The following PKD1 variants were observed in gnomAD, a reference collection of about 807,000 sequenced individuals.
The protein encoded by PKD1 is polycystin-1.
Under a neutral mutation model 361.7 loss-of-function variants are expected in PKD1, and 81 were observed. The ratio of observed to expected loss-of-function variants is 0.22; its 90% CI spans 0.19 to 0.27. The LOEUF (loss-of-function observed/expected upper bound fraction) is 0.27, where lower values mean the gene tolerates loss of function less well. Among genes scored for constraint, PKD1 ranks in the 10% least tolerant of loss-of-function variants. The pLI, the probability that PKD1 is intolerant of heterozygous loss-of-function variation, is 1.00. For missense variants in PKD1, 6,399 were observed against 6,118.3 expected (o/e 1.05, Z -1.53); for synonymous variants, 3,615 against 2,818.3 (o/e 1.28, Z -8.95).
chr16:2,094,068 C>A (rs990732561), intron 35 of PKD1, 24 bp downstream of exon 35: 33 of 1,585,866 alleles, frequency 2.1e-5, no homozygotes, highest in African/African-American at 2.7e-5. Context: ...GGGCTAGGGG[C>A]ATCCCGGGGC....
chr16:2,094,060 G>C, intron 35 of PKD1, 32 bp downstream of exon 35: 1 of 1,584,880 alleles, frequency 6.3e-7, no homozygotes, highest in Non-Finnish European at 8.6e-7. Flanking sequence ...ACAGGGAGGG[G>C]CTAGGGGCAT....
At chr16:2,130,822 G>C (rs530896599) in intron 1 of PKD1, among the ~76,000 whole-genome samples, 1 of 152,208 alleles carries the variant, frequency 6.6e-6, no homozygotes, top group Non-Finnish European at 1.5e-5. Flanking sequence ...CAAGGCCCCG[G>C]GTGCTCCTAT....
intron 42 of PKD1, 32 bp from the exon 43 acceptor site, chr16:2,091,206 G>A (rs1202741651): frequency 3.2e-5 from 39 of 1,211,370 alleles, no homozygotes; most frequent in Non-Finnish European, 3.7e-5. Flanking sequence ...GGGCGGGAGG[G>A]ACGCTGCCGG....
At chr16:2,092,229 C>A (rs2091625671) in intron 39 of PKD1, 41 bp from the exon 40 acceptor site, 1 of 1,547,012 alleles carries the variant, frequency 6.5e-7, no homozygotes, top group South Asian at 1.2e-5. Context: ...AGGGCCTCAT[C>A]AAAACCCAAC....
Position 2,093,047 on chromosome 16 carries a change from C to A in PKD1, c.11063G>T (p.Ser3688Ile). 4 of 1,612,902 alleles carry A rather than the reference C, an allele frequency of 2.5e-6. No homozygotes were observed. Among genetic ancestry groups the A allele is most frequent in the South Asian group, 1.1e-5 (1 of 91,088 alleles). Residue 3688 changes from serine to isoleucine, a missense_variant, in exon 38 of 46, where the codon AGC becomes ATC. By Grantham distance (142) the Ser-to-Ile change is moderately radical. Transcript: ENST00000262304. The part of the protein sequence containing the change: ...MLFLLVTLLA[S>I]YGDASCHGHA... ...CCCATGGCATGAGGCATCCCCATAG[C>A]TGGCCAGCAGGGTCACCAGCAGAAA... is the stretch of plus-strand genomic sequence containing the variant.
In PKD1 at chr16:2,097,884, G is replaced by A. The variant is rs1383556063; in HGVS notation, c.10151C>T (p.Ser3384Leu). The A allele has an allele frequency of 2.5e-6, 4 of 1,604,346 alleles. No individual in the cohort carries two copies. Among genetic ancestry groups the A allele is most frequent in the Non-Finnish European group, 3.4e-6 (4 of 1,173,896 alleles). ...SVLDSSFLTF[S>L]GLHAEQAFVG... Reference sequence around the variant, plus strand: ...AGTCCTCACCTCAGCGTGGAGGCCTGAGAACGTGAGGAAGGAGCTGTCCAG... The same window carrying A: ...AGTCCTCACCTCAGCGTGGAGGCCTAAGAACGTGAGGAAGGAGCTGTCCAG... The change falls in exon 31 of 46, where the codon TCA becomes TTA. Residue 3384 changes from serine (S) to leucine (L), a missense_variant. Ser to Leu is a moderately radical substitution (Grantham distance 145). Transcript: ENST00000262304.
At chr16:2,115,854 T>C in intron 9 of PKD1, 138 bp downstream of exon 9, 1 of 1,075,484 alleles carries the variant, frequency 9.3e-7, no homozygotes, top group Non-Finnish European at 1.4e-6. Flanking sequence ...TGAGCTGGTG[T>C]CTCTGGAACC....
intron 1 of PKD1, among the ~76,000 whole-genome samples, chr16:2,128,463 C>T (rs2092825820): frequency 6.6e-6 from 1 of 151,914 alleles, no homozygotes; most frequent in South Asian, 2.1e-4. Flanking sequence ...CTCTGTCTGT[C>T]TATAAACCAG....
chr16:2,098,135 G>A (rs1305852181), intron 30 of PKD1, 151 bp from the exon 31 acceptor site: 15 of 619,014 alleles, frequency 2.4e-5, no homozygotes, highest in South Asian at 7.5e-5. Context: ...TGCACCGTCC[G>A]TGATGGCAGC....
rs1411919582 is a variant in PKD1, at chr16:2,111,631, T to C, written c.3536A>G (p.His1179Arg). The C allele has an allele frequency of 6.3e-7, 1 of 1,574,928 alleles. No homozygotes were observed. Among genetic ancestry groups the C allele is most frequent in the East Asian group, 2.3e-5 (1 of 42,928 alleles). ...GTAGGTGCCCCTCGAGGCATAGGTG[T>C]GGTTGGCAGCCGGCTGGCTCTGGGT... ...VLTQSQPAAN[H>R]TYASRGTYHV... The change falls in exon 15 of 46, where the codon CAC becomes CGC. Residue 1179 changes from histidine (H) to arginine (R), a missense_variant. By Grantham distance (29) the His-to-Arg change is conservative. Coordinates refer to ENST00000262304, the MANE Select transcript of PKD1 (RefSeq NM_001009944.3).
At position 2,118,516 on chromosome 16, in the gene PKD1, C is replaced by T. The variant is rs556854889; in HGVS notation, c.530-54G>A. On this transcript the variant is annotated intron_variant, in intron 4 of 45. Transcript: ENST00000262304. The surrounding 1 kb of genome is among the most constrained non-coding windows in gnomAD (Gnocchi z 6.0). ...TTCTGCTCCTCCTGGCTCCACCCCA[C>T]GCCCCCACATCCGCCCGCCGCACTC... 3.0e-5 allele frequency: 43 copies of T among 1,427,478 alleles called. No homozygotes were observed. The highest frequency in any genetic ancestry group is 5.6e-5 in the African/African-American group (4 of 70,966). 88.4% of individuals were successfully genotyped at this position (1,427,478 alleles called of 1,614,324 possible).
chr16:2,090,425 C>T lies in PKD1; in HGVS notation c.12304G>A (p.Gly4102Arg). Residue 4102 changes from glycine (G) to arginine (R), a missense_variant, in exon 45 of 46, where the codon GGG becomes AGG. By Grantham distance (125) the Gly-to-Arg change is moderately radical (BLOSUM62 -2). Coordinates refer to ENST00000262304, the MANE Select transcript of PKD1 (RefSeq NM_001009944.3). ...TAGCGCCAGCGGAGAATAACAGCCC[C>T]CAGCCGTAGGGCGCCCCACAGCCGC... ...ALRLWGALRLGAVILRWRYHA... is the reference protein window; with the variant it reads ...ALRLWGALRLRAVILRWRYHA... The T allele has an allele frequency of 1.2e-6, 2 of 1,612,618 alleles. No individual in the cohort carries two copies. Among genetic ancestry groups the T allele is most frequent in the Non-Finnish European group, 1.7e-6 (2 of 1,179,900 alleles).
rs746392681 is a variant in PKD1, at chr16:2,090,745, G to C, written c.12067C>G (p.Leu4023Val). The change falls in exon 44 of 46, where the codon CTG becomes GTG. Residue 4023 changes from leucine to valine, a missense_variant. Leu to Val is a conservative substitution (Grantham distance 32, BLOSUM62 1). Transcript: ENST00000262304. ...AAGGTGACCCCCAGGAGCTCTGGCA[G>C]AGCTCGGCATAATGTCTTGCCAAAG... is the stretch of plus-strand genomic sequence containing the variant. ...SVFGKTLCRA[L>V]PELLGVTLGL... The C allele has an allele frequency of 1.2e-6, 2 of 1,612,642 alleles. No individual in the cohort carries two copies. The highest frequency in any genetic ancestry group is 1.7e-6 in the Non-Finnish European group (2 of 1,179,974).
intron 1 of PKD1, chr16:2,119,968 C>T (rs1238746988): frequency 1.5e-5 from 9 of 602,636 alleles, no homozygotes; most frequent in Admixed American, 2.9e-5. Flanking sequence ...AACACAGCAC[C>T]GTGGGAGCTG....
At chr16:2,105,091 C>T (rs180789708) in intron 21 of PKD1, among the ~76,000 whole-genome samples, 3,879 of 144,542 alleles carry the variant, frequency 0.027, 212 homozygotes, top group African/African-American at 0.094. Flanking sequence ...AGTCCCTCCC[C>T]ACATCTGGGC....
At chr16:2,091,718 G>C (rs1452418815) in intron 41 of PKD1, 63 bp downstream of exon 41, 1 of 1,593,102 alleles carries the variant, frequency 6.3e-7, no homozygotes, top group East Asian at 2.3e-5. Flanking sequence ...CCGGAGGAGT[G>C]AGGGTGGGCT....
At position 2,111,992 on chromosome 16, in the gene PKD1, G is replaced by A. The variant is rs1323460354; in HGVS notation, c.3296-121C>T. On this transcript the variant is annotated intron_variant, in intron 14 of 45. Coordinates refer to ENST00000262304, the MANE Select transcript of PKD1 (RefSeq NM_001009944.3). ...GGCTGCACCTGCGGCCCAGCCTTAA[G>A]GGTCCCAGGCTCCCAAGCCACGTGC... The A allele has an allele frequency of 2.7e-6, 3 of 1,094,518 alleles. No homozygotes were observed. In the African/African-American group the frequency reaches 4.7e-5, roughly 17 times the overall value. 67.8% of individuals were successfully genotyped at this position (1,094,518 alleles called of 1,614,324 possible). A position where few individuals can be genotyped will look rare whatever the true frequency, so the allele number is the denominator to read the frequency against.
chr16:2,100,649 C>G lies in PKD1; in HGVS notation c.9398-83G>C. On this transcript the variant is annotated intron_variant, in intron 26 of 45. Transcript: ENST00000262304. The surrounding 1 kb of genome is among the most constrained non-coding windows in gnomAD (Gnocchi z 4.4). ...CCCAGGCAAGTCATCTCAGCTTTGGCCTGTGCGCACTCAAGGAGCCACACA... is the reference window on the plus strand; with the variant it reads ...CCCAGGCAAGTCATCTCAGCTTTGGGCTGTGCGCACTCAAGGAGCCACACA... The G allele has an allele frequency of 1.6e-6, 2 of 1,240,546 alleles. No individual in the cohort carries two copies. The highest frequency in any genetic ancestry group is 2.3e-6 in the Non-Finnish European group (2 of 862,238). The allele number at this position is 1,240,546 out of a possible 1,614,324, so 76.8% of individuals were successfully genotyped here. A position where few individuals can be genotyped will look rare whatever the true frequency, so the allele number is the denominator to read the frequency against.
At chr16:2,095,674 G>A (rs1338910038) in intron 34 of PKD1, among the ~76,000 whole-genome samples, 3 of 152,242 alleles carry the variant, frequency 2.0e-5, no homozygotes, top group Non-Finnish European at 2.9e-5. Context: ...GGACGCAGAG[G>A]GGTCCAGGAC....
Sources: gnomAD v4.1 joint callset for allele counts (sites outside exome capture counted in the v4.1 genomes callset) on GRCh38, gnomAD v4.1.1 for gene constraint, Gnocchi (gnomAD v3.1) non-coding constraint, MANE v1.5 for transcripts, NCBI Gene and HGNC (gene_info 2026-07-23, HGNC 2026-07-21) for gene names.